Variants in NHEJ1 observed in about 807,000 individuals in gnomAD.
The protein encoded by NHEJ1 is non-homologous end joining factor 1, also known as non-homologous end-joining factor 1.
Under a neutral mutation model 39.4 loss-of-function variants are expected in NHEJ1, and 22 were observed. The observed-to-expected ratio is 0.56, with a 90% CI of 0.40 to 0.80. The LOEUF is 0.80. Among genes scored for constraint, NHEJ1 ranks in the 30% least tolerant of loss-of-function variants. The probability of loss-of-function intolerance (pLI) is 0.00; values close to 1 mark genes in which losing one functional copy is unlikely to be tolerated. For missense variants in NHEJ1, 329 were observed against 357.1 expected (o/e 0.92, Z 0.63); for synonymous variants, 154 against 135.6 (o/e 1.14, Z -0.94).
chr2:219,103,518 C>G (rs960388807), intron 5 of NHEJ1, among the ~76,000 whole-genome samples: 2 of 152,110 alleles, frequency 1.3e-5, no homozygotes, highest in Non-Finnish European at 2.9e-5. Flanking sequence ...TCAAGTGATC[C>G]GTCCGCCTCG....
intron 5 of NHEJ1, among the ~76,000 whole-genome samples, chr2:219,125,025 C>G (rs114633960): frequency 1.3e-5 from 2 of 152,026 alleles, no homozygotes; most frequent in Non-Finnish European, 2.9e-5. Context: ...TAAGAACAAC[C>G]ATGCTTGGCA....
chr2:219,086,546 A>G (rs1389860873), intron 5 of NHEJ1, among the ~76,000 whole-genome samples: 2 of 152,240 alleles, frequency 1.3e-5, no homozygotes, highest in African/African-American at 4.8e-5. Flanking sequence ...TGCCCTCTAG[A>G]AAAGGAAAGC....
At chr2:219,083,733 G>A (rs2106323809) in intron 5 of NHEJ1, among the ~76,000 whole-genome samples, 2 of 152,328 alleles carry the variant, frequency 1.3e-5, no homozygotes, top group Middle Eastern at 6.8e-3. Flanking sequence ...AGAAATGTCT[G>A]TTCCTTCCCT....
chr2:219,157,450 C>T (rs1349239105), intron 3 of NHEJ1, 22 bp downstream of exon 3: 1 of 1,602,852 alleles, frequency 6.2e-7, no homozygotes, highest in Non-Finnish European at 8.5e-7. Flanking sequence ...CTCCCCCAAC[C>T]CCACATTCGA....
intron 5 of NHEJ1, among the ~76,000 whole-genome samples, chr2:219,114,991 G>A (rs1169788025): frequency 1.3e-5 from 2 of 152,132 alleles, no homozygotes; most frequent in African/African-American, 2.4e-5. Context: ...GAGGGGGAAA[G>A]AGCCTCTATA....
chr2:219,078,004 T>C, intron 6 of NHEJ1, 85 bp downstream of exon 6: 2 of 920,056 alleles, frequency 2.2e-6, no homozygotes, highest in Non-Finnish European at 3.6e-6. Flanking sequence ...TAGTTATATG[T>C]GGCTAGAAAA....
chr2:219,076,401 G>T lies in NHEJ1; in HGVS notation c.880C>A (p.Pro294Thr), dbSNP rs768494643. ...PQLSKVKRKKPRGLFS is the reference protein window; with the variant it reads ...PQLSKVKRKKTRGLFS ...ACAGATTAACTGAAGAGACCCCTTGGCTTCTTCCTCTTGACCTTTGACAGC... is the reference window on the plus strand; with the variant it reads ...ACAGATTAACTGAAGAGACCCCTTGTCTTCTTCCTCTTGACCTTTGACAGC... The change falls in exon 8 of 8, where the codon CCA becomes ACA. Residue 294 changes from proline to threonine, a missense_variant. Transcript: ENST00000356853. 4.3e-6 allele frequency: 7 copies of T among 1,613,978 alleles called. No individual in the cohort carries two copies. The highest frequency in any genetic ancestry group is 1.3e-5 in the African/African-American group (1 of 74,886).
At chr2:219,100,043 GAGA>G (rs1949242547) in intron 5 of NHEJ1, among the ~76,000 whole-genome samples, 1 of 152,148 alleles carries the variant, frequency 6.6e-6, no homozygotes, top group Non-Finnish European at 1.5e-5. Flanking sequence ...TTTAATACAG[GAGA>G]AGAAGGAAGC....
At chr2:219,159,564 CATATATATATGCATATATATATGCATAT>C (rs1949902112) in intron 1 of NHEJ1, among the ~76,000 whole-genome samples, 4 of 61,770 alleles carry the variant, frequency 6.5e-5, no homozygotes, top group Admixed American at 1.7e-4. Flanking sequence ...TATATATATG[CATATATATATGCATATATATATGCATAT>C]ATATATATGC....
At chr2:219,115,101 G>T (rs910774875) in intron 5 of NHEJ1, among the ~76,000 whole-genome samples, 2 of 151,590 alleles carry the variant, frequency 1.3e-5, no homozygotes, top group Non-Finnish European at 1.5e-5. Flanking sequence ...TTGTGAGTGG[G>T]GCTCCAACAG....
Position 219,101,150 on chromosome 2 carries a change from T to C in NHEJ1, c.589-22944A>G, listed in dbSNP as rs549903224. 1.1e-3 allele frequency among the ~76,000 whole-genome samples: 169 copies of C among 152,356 alleles called. 1 individual carries two copies. Among genetic ancestry groups the C allele is most frequent in the Non-Finnish European group, 1.9e-3 (130 of 68,032 alleles). On this transcript the variant is annotated intron_variant, in intron 5 of 7. Coordinates refer to ENST00000356853, the MANE Select transcript of NHEJ1 (RefSeq NM_024782.3). ...ATTTATTGGGGATGGAGTCTTGCTC[T>C]GTTGCCCAGGCTGGAGTGCAGTGGT...
chr2:219,109,915 T>C (rs1261376330), intron 5 of NHEJ1, among the ~76,000 whole-genome samples: 2 of 152,198 alleles, frequency 1.3e-5, no homozygotes, highest in Non-Finnish European at 2.9e-5. Context: ...TTGGGGTGGA[T>C]AGTTTTTTGA....
At chr2:219,125,525 T>G (rs2106347681) in intron 5 of NHEJ1, 1 of 152,560 alleles carries the variant, frequency 6.6e-6, no homozygotes, top group Non-Finnish European at 1.5e-5. Flanking sequence ...CAAGGGATCT[T>G]GTCTTGTGGT....
intron 5 of NHEJ1, among the ~76,000 whole-genome samples, chr2:219,144,007 C>G (rs1949713549): frequency 2.0e-5 from 3 of 152,292 alleles, no homozygotes; most frequent in South Asian, 4.2e-4. Context: ...TCAAAACCAG[C>G]CTGGCCAACA....
chr2:219,088,667 CA>C (rs988679914), intron 5 of NHEJ1, among the ~76,000 whole-genome samples: 13 of 152,030 alleles, frequency 8.6e-5, no homozygotes, highest in African/African-American at 2.9e-4. Flanking sequence ...TGGTAGATAA[CA>C]GGGGGGTACT....
chr2:219,131,114 C>T (rs1401848884), intron 5 of NHEJ1, among the ~76,000 whole-genome samples: 1 of 152,062 alleles, frequency 6.6e-6, no homozygotes, highest in South Asian at 2.1e-4. Flanking sequence ...AACAAACAAA[C>T]TGCAGCTTGA....
At chr2:219,092,906 T>C (rs1205788324) in intron 5 of NHEJ1, among the ~76,000 whole-genome samples, 1 of 152,194 alleles carries the variant, frequency 6.6e-6, no homozygotes, top group Non-Finnish European at 1.5e-5. Flanking sequence ...TGGGTAGCCA[T>C]CTGAAATTAG....
At chr2:219,105,359 C>CT (rs1022451081) in intron 5 of NHEJ1, among the ~76,000 whole-genome samples, 17 of 152,042 alleles carry the variant, frequency 1.1e-4, no homozygotes, top group Non-Finnish European at 5.9e-5. Flanking sequence ...AGGAAAGAGA[C>CT]TTTTTTTAGT....
intron 5 of NHEJ1, among the ~76,000 whole-genome samples, chr2:219,142,736 C>G (rs916089114): frequency 1.3e-5 from 2 of 152,220 alleles, no homozygotes; most frequent in Admixed American, 6.5e-5. Context: ...ACTCTTCTTT[C>G]ACTCCTAAAG....
Sources: gnomAD v4.1 joint callset for allele counts (sites outside exome capture counted in the v4.1 genomes callset) on GRCh38, gnomAD v4.1.1 for gene constraint, MANE v1.5 for transcripts, NCBI Gene and HGNC (gene_info 2026-07-23, HGNC 2026-07-21) for gene names.